MON1A: variants seen among roughly 807,000 people sequenced by gnomAD.
MON1A encodes MON1 vesicular trafficking associated A, also known as vacuolar fusion protein MON1 homolog A.
MON1A carries 29 observed loss-of-function variants against 44.6 expected under a neutral mutation model. That is an observed-to-expected ratio of 0.65 (90% CI 0.48 to 0.89). The LOEUF (loss-of-function observed/expected upper bound fraction) is 0.89, where lower values mean the gene tolerates loss of function less well. Ranked by LOEUF, MON1A falls within the 40% of genes least tolerant of loss-of-function variation. MON1A has a pLI of 0.00. For synonymous variants in MON1A, 275 were observed against 316.4 expected, an observed-to-expected ratio of 0.87 and a Z score of 1.39; for missense variants, 615 against 759.6, an observed-to-expected ratio of 0.81 and a Z score of 2.24.
At chr3:49,919,439 G>A (rs1051100601) in intron 1 of MON1A, among the ~76,000 whole-genome samples, 16 of 152,122 alleles carry the variant, frequency 1.1e-4, no homozygotes, top group African/African-American at 3.9e-4. Flanking sequence ...ACTATTCTGT[G>A]TAAAAAATGG....
rs773143100 is a variant in MON1A at position 49,910,681 on chromosome 3, G to A, written c.817C>T (p.Arg273Cys). Residue 273 changes from arginine (R) to cysteine (C), a missense_variant, in exon 4 of 6, where the codon CGC becomes TGC. By Grantham distance (180) the Arg-to-Cys change is radical. Coordinates refer to ENST00000296473, the MANE Select transcript of MON1A (RefSeq NM_032355.4). The surrounding 1 kb of genome is among the most constrained non-coding windows in gnomAD (Gnocchi z 8.0). ...AGCTGCAGCAGGTTGTCGGTGATGCGCTCTGAGCCCGAGAGTAGGCGCCGC... is the reference window on the plus strand; with the variant it reads ...AGCTGCAGCAGGTTGTCGGTGATGCACTCTGAGCCCGAGAGTAGGCGCCGC... ...DLRRLLSGSERITDNLLQLMA... is the reference protein window; with the variant it reads ...DLRRLLSGSECITDNLLQLMA... 6.2e-7 allele frequency: 1 copy of A among 1,610,862 alleles called. No homozygotes were observed. Among genetic ancestry groups the A allele is most frequent in the Non-Finnish European group, 8.5e-7 (1 of 1,178,326 alleles).
At position 49,911,231 on chromosome 3, in the gene MON1A, T is replaced by TAGAC. The variant is rs775867028; in HGVS notation, c.613+294_613+295insGTCT. ...ATAGATAGATAGATAGATAGATAGA[T>TAGAC]AGATAGATAGATAGAGTTTGTTGTT... On this transcript the variant is annotated intron_variant, in intron 3 of 5. Coordinates refer to ENST00000296473, the MANE Select transcript of MON1A (RefSeq NM_032355.4). The surrounding 1 kb of genome is among the most constrained non-coding windows in gnomAD (Gnocchi z 5.7). Among the ~76,000 whole-genome samples, 1 of 125,018 alleles carries TAGAC rather than the reference T, an allele frequency of 8.0e-6. No individual in the cohort carries two copies. Among genetic ancestry groups the TAGAC allele is most frequent in the Non-Finnish European group, 1.9e-5 (1 of 53,354 alleles). The allele number at this position is 125,018 out of a possible 152,430, so 82.0% of individuals were successfully genotyped here.
At position 49,910,672 on chromosome 3, in the gene MON1A, C is replaced by G. The variant is rs761837171; in HGVS notation, c.826G>C (p.Asp276His). The G allele has an allele frequency of 1.9e-6, 3 of 1,608,708 alleles. No homozygotes were observed. Among genetic ancestry groups the G allele is most frequent in the Non-Finnish European group, 2.5e-6 (3 of 1,176,974 alleles). ...RLLSGSERIT[D>H]NLLQLMARDP... ...CGTGCCATGAGCTGCAGCAGGTTGT[C>G]GGTGATGCGCTCTGAGCCCGAGAGT... The change falls in exon 4 of 6, where the codon GAC becomes CAC. Residue 276 changes from aspartate (D) to histidine (H), a missense_variant. Transcript: ENST00000296473. The surrounding 1 kb of genome is among the most constrained non-coding windows in gnomAD (Gnocchi z 8.0).
intron 1 of MON1A, among the ~76,000 whole-genome samples, chr3:49,922,398 C>T (rs941355650): frequency 1.5e-4 from 23 of 151,862 alleles, no homozygotes; most frequent in Admixed American, 1.1e-3. Flanking sequence ...ATCGCACCAC[C>T]GCACTCCAGC....
At chr3:49,918,704 G>T (rs2082970038) in intron 1 of MON1A, among the ~76,000 whole-genome samples, 1 of 152,022 alleles carries the variant, frequency 6.6e-6, no homozygotes, top group Non-Finnish European at 1.5e-5. Context: ...GAGCCACCGT[G>T]CCTGGCCCCC....
chr3:49,924,531 T>C lies in MON1A; in HGVS notation c.-14+5078A>G, dbSNP rs1057259396. On this transcript the variant is annotated intron_variant, in intron 1 of 5. Transcript: ENST00000296473. Reference sequence around the variant, plus strand: ...CCATCTCTACTAAAAATACAAAAATTACCTAGGTGTCATGACGGGCGCCTG... The same window carrying C: ...CCATCTCTACTAAAAATACAAAAATCACCTAGGTGTCATGACGGGCGCCTG... The C allele has an allele frequency of 7.5e-5, 22 of 293,276 alleles. 1 individual carries two copies. The highest frequency in any genetic ancestry group is 4.8e-4 in the African/African-American group (21 of 43,928). The allele number at this position is 293,276 out of a possible 1,614,324, so 18.2% of individuals were successfully genotyped here. A position where few individuals can be genotyped will look rare whatever the true frequency, so the allele number is the denominator to read the frequency against.
intron 2 of MON1A, 58 bp from the exon 3 acceptor site, chr3:49,912,069 G>A: frequency 6.6e-7 from 1 of 1,522,228 alleles, no homozygotes. Flanking sequence ...ACTCCTACCA[G>A]CAAGGTGCCT....
At chr3:49,923,344 G>A (rs942880642) in intron 1 of MON1A, among the ~76,000 whole-genome samples, 1 of 146,208 alleles carries the variant, frequency 6.8e-6, no homozygotes, top group African/African-American at 2.5e-5. Context: ...AAGGAAGGGA[G>A]GGAGGGAGGG....
intron 1 of MON1A, among the ~76,000 whole-genome samples, chr3:49,925,210 G>A (rs1306593349): frequency 6.6e-6 from 1 of 151,972 alleles, no homozygotes; most frequent in African/African-American, 2.4e-5. Context: ...AACCTCCCAG[G>A]CCCAAGTGAT....
intron 1 of MON1A, 96 bp from the exon 2 acceptor site, chr3:49,913,455 A>T: frequency 5.3e-6 from 6 of 1,138,276 alleles, no homozygotes; most frequent in African/African-American, 1.5e-5. Context: ...CTTTATCAGG[A>T]CTCCACTAAC....
chr3:49,922,091 C>G (rs573807677), intron 1 of MON1A, among the ~76,000 whole-genome samples: 1 of 148,778 alleles, frequency 6.7e-6, no homozygotes, highest in Non-Finnish European at 1.5e-5. Flanking sequence ...GAGCCACGAT[C>G]ACGCCATTGC....
At chr3:49,922,522 AGAAG>A (rs1324834634) in intron 1 of MON1A, among the ~76,000 whole-genome samples, 4 of 107,358 alleles carry the variant, frequency 3.7e-5, no homozygotes, top group South Asian at 3.8e-4. Context: ...AGGGAGGGAG[AGAAG>A]GAAGGAGGGA....
At chr3:49,917,430 C>T (rs374258974) in intron 1 of MON1A, among the ~76,000 whole-genome samples, 6 of 152,094 alleles carry the variant, frequency 3.9e-5, no homozygotes, top group Non-Finnish European at 7.4e-5. Context: ...GGACTATAGG[C>T]GCCCGCCACC....
chr3:49,929,441 C>T (rs1295878559), intron 1 of MON1A, 168 bp downstream of exon 1: 4 of 795,776 alleles, frequency 5.0e-6, no homozygotes, highest in Non-Finnish European at 8.2e-6. Context: ...TTTTGTATTC[C>T]CCAGCTGGGG....
chr3:49,912,055 A>G (rs2108531496), intron 2 of MON1A, 44 bp from the exon 3 acceptor site: 4 of 1,527,280 alleles, frequency 2.6e-6, no homozygotes, highest in South Asian at 1.3e-5. Context: ...AGCTAGTGGC[A>G]GACACTCCTA....
Position 49,909,005 on chromosome 3 carries a change from A to C in MON1A, c.*9T>G. The C allele has an allele frequency of 6.2e-7, 1 of 1,609,244 alleles. No homozygotes were observed. Among genetic ancestry groups the C allele is most frequent in the Non-Finnish European group, 8.5e-7 (1 of 1,177,132 alleles). On this transcript the variant is annotated 3_prime_UTR_variant, in exon 6 of 6. Coordinates refer to ENST00000296473, the MANE Select transcript of MON1A (RefSeq NM_032355.4). This position sits in a 1 kb window ranked among gnomAD's most constrained non-coding sequence, Gnocchi z 4.0. ...GTGTCCAGGAAGGCTGAGCCCGCAC[A>C]CATTCCCATCAATAGGTGAGGGGCG...
intron 1 of MON1A, among the ~76,000 whole-genome samples, chr3:49,917,116 A>C (rs1200925097): frequency 1.3e-5 from 2 of 152,026 alleles, no homozygotes; most frequent in Non-Finnish European, 2.9e-5. Flanking sequence ...GTGAGCCACC[A>C]TGCGTGGATA....
chr3:49,921,921 T>C (rs1208583809), intron 1 of MON1A, among the ~76,000 whole-genome samples: 1 of 142,562 alleles, frequency 7.0e-6, no homozygotes, highest in Non-Finnish European at 1.5e-5. Flanking sequence ...GTGGATCACC[T>C]GAAGTCAGGA....
chr3:49,918,932 A>G (rs1209602763), intron 1 of MON1A, among the ~76,000 whole-genome samples: 5 of 152,106 alleles, frequency 3.3e-5, no homozygotes, highest in African/African-American at 7.2e-5. Context: ...CTGTCATCCT[A>G]GTACTTTGGG....
Sources: gnomAD v4.1 joint callset for allele counts (sites outside exome capture counted in the v4.1 genomes callset) on GRCh38, gnomAD v4.1.1 for gene constraint, Gnocchi (gnomAD v3.1) non-coding constraint, MANE v1.5 for transcripts, NCBI Gene and HGNC (gene_info 2026-07-23, HGNC 2026-07-21) for gene names.